SDCCAG8: variants seen among roughly 807,000 people sequenced by gnomAD.
SDCCAG8 encodes the protein serologically defined colon cancer antigen 8.
Under a neutral mutation model 101.8 loss-of-function variants are expected in SDCCAG8, and 74 were observed. The observed-to-expected ratio is 0.73, with a 90% CI of 0.60 to 0.88. SDCCAG8 has a LOEUF of 0.88. Among genes scored for constraint, SDCCAG8 ranks in the 40% least tolerant of loss-of-function variants. The probability of loss-of-function intolerance (pLI) is 0.00; values close to 1 mark genes in which losing one functional copy is unlikely to be tolerated. For missense variants in SDCCAG8, 787 were observed against 822.6 expected, an observed-to-expected ratio of 0.96 and a Z score of 0.53; for synonymous variants, 281 against 292.9, an observed-to-expected ratio of 0.96 and a Z score of 0.41.
At position 243,257,485 on chromosome 1, in the gene SDCCAG8, T is replaced by A. The variant is rs77208624; in HGVS notation, c.67+1245T>A. 2.6e-4 allele frequency among the ~76,000 whole-genome samples: 40 copies of A among 151,300 alleles called. No homozygotes were observed. The East Asian group carries it at 3.5e-3, about 13-fold the overall frequency. On this transcript the variant is annotated intron_variant, in intron 1 of 17. Transcript: ENST00000366541. ...TGGGGAGAAAGACAAAAAAAAAAAA[T>A]AATTATAGATTACTATGATAGAAAG...
chr1:243,356,370 C>G (rs567588222), intron 12 of SDCCAG8, among the ~76,000 whole-genome samples: 9 of 120,962 alleles, frequency 7.4e-5, no homozygotes, highest in Non-Finnish European at 1.4e-4. Flanking sequence ...AAGAAAGATG[C>G]TAGAATTATC....
intron 16 of SDCCAG8, among the ~76,000 whole-genome samples, chr1:243,481,962 G>C (rs1158957522): frequency 2.0e-5 from 3 of 152,218 alleles, no homozygotes; most frequent in African/African-American, 7.2e-5. Flanking sequence ...GAAATCCATT[G>C]GTAGTGGCCC....
chr1:243,269,496 C>A (rs1447293992), intron 1 of SDCCAG8, among the ~76,000 whole-genome samples: 3 of 151,882 alleles, frequency 2.0e-5, no homozygotes, highest in Non-Finnish European at 4.4e-5. Context: ...AACCAAGAAT[C>A]TATGAGGTGT....
chr1:243,295,497 A>G (rs1240275545), intron 6 of SDCCAG8, among the ~76,000 whole-genome samples: 3 of 151,970 alleles, frequency 2.0e-5, no homozygotes, highest in Admixed American at 2.0e-4. Context: ...CGGCCTCCCA[A>G]AGTGCTGGGA....
intron 16 of SDCCAG8, among the ~76,000 whole-genome samples, chr1:243,436,311 C>A (rs994517521): frequency 6.6e-6 from 1 of 151,864 alleles, no homozygotes; most frequent in Non-Finnish European, 1.5e-5. Flanking sequence ...TATTGTCCTA[C>A]CTGTGGTCAC....
At chr1:243,487,239 C>T (rs935621436) in intron 16 of SDCCAG8, among the ~76,000 whole-genome samples, 2 of 152,192 alleles carry the variant, frequency 1.3e-5, no homozygotes, top group Non-Finnish European at 2.9e-5. Context: ...TCCTCTCTCC[C>T]GGCCGCTCAC....
At chr1:243,312,901 C>T (rs916384205) in intron 8 of SDCCAG8, among the ~76,000 whole-genome samples, 3 of 152,078 alleles carry the variant, frequency 2.0e-5, no homozygotes, top group African/African-American at 7.2e-5. Flanking sequence ...TTGTTTCCGA[C>T]CTTTCGCCTT....
chr1:243,413,992 C>G (rs1252857970), intron 13 of SDCCAG8, among the ~76,000 whole-genome samples: 1 of 152,168 alleles, frequency 6.6e-6, no homozygotes, highest in African/African-American at 2.4e-5. Flanking sequence ...TAACAACATC[C>G]AATCATGAAA....
At chr1:243,446,166 C>A (rs1338522359) in intron 16 of SDCCAG8, among the ~76,000 whole-genome samples, 1 of 152,210 alleles carries the variant, frequency 6.6e-6, no homozygotes, top group Non-Finnish European at 1.5e-5. Context: ...AGAGCTTCTA[C>A]TGTACTTTGG....
intron 5 of SDCCAG8, among the ~76,000 whole-genome samples, chr1:243,292,593 A>G (rs1194863978): frequency 6.6e-6 from 1 of 152,106 alleles, no homozygotes; most frequent in Non-Finnish European, 1.5e-5. Flanking sequence ...ACTCTATGTG[A>G]CTCAGTTTCC....
chr1:243,270,437 T>C (rs1349937681), intron 2 of SDCCAG8, among the ~76,000 whole-genome samples, 180 bp downstream of exon 2: 2 of 152,246 alleles, frequency 1.3e-5, no homozygotes, highest in Admixed American at 6.5e-5. Flanking sequence ...GCTTATAGGC[T>C]AAAGTCCAAA....
chr1:243,403,033 T>C (rs2079512588), intron 13 of SDCCAG8, among the ~76,000 whole-genome samples: 1 of 152,216 alleles, frequency 6.6e-6, no homozygotes, highest in East Asian at 1.9e-4. Flanking sequence ...TGAAAATAAA[T>C]TTGACAGTTA....
rs556754196 is a variant in SDCCAG8, at chr1:243,446,562, A to T, written c.1985+20004A>T. On this transcript the variant is annotated intron_variant, in intron 16 of 17. Transcript: ENST00000366541. ...AGGCATGAGCCACTGCACCTGACCA[A>T]TTTTTTTCTTTGTGTCAGAGAAAGG... Among the ~76,000 whole-genome samples the T allele has an allele frequency of 7.6e-4, 115 of 152,172 alleles. 1 individual carries two copies. Among genetic ancestry groups the T allele is most frequent in the African/African-American group, 2.7e-3 (114 of 41,508 alleles).
intron 7 of SDCCAG8, chr1:243,307,323 C>T (rs2072251722): frequency 2.3e-6 from 2 of 878,918 alleles, no homozygotes; most frequent in South Asian, 5.3e-5. Context: ...TGTATGTTTC[C>T]AGCTAATAGC....
chr1:243,362,285 G>C (rs1043761157), intron 12 of SDCCAG8, among the ~76,000 whole-genome samples: 1 of 148,008 alleles, frequency 6.8e-6, no homozygotes. Flanking sequence ...ATAGGTGGGT[G>C]AAGAGACGGC....
At chr1:243,274,348 G>T (rs913311090) in intron 3 of SDCCAG8, among the ~76,000 whole-genome samples, 195 bp from the exon 4 acceptor site, 1 of 152,168 alleles carries the variant, frequency 6.6e-6, no homozygotes, top group African/African-American at 2.4e-5. Context: ...TCAACTTGAG[G>T]TTTGTGGGGG....
chr1:243,456,806 TC>T (rs2083792780), intron 16 of SDCCAG8, among the ~76,000 whole-genome samples: 1 of 152,222 alleles, frequency 6.6e-6, no homozygotes, highest in Admixed American at 6.5e-5. Flanking sequence ...TATTTAACTT[TC>T]TATTGTAGAA....
chr1:243,269,287 G>C (rs1341229205), intron 1 of SDCCAG8: 1 of 151,366 alleles, frequency 6.6e-6, no homozygotes, highest in African/African-American at 2.4e-5. Flanking sequence ...AATGAGGCTG[G>C]GTTCCTTGGA....
rs547228970 is a variant in SDCCAG8, at chr1:243,297,269, AGTTT to A, written c.675+4054_675+4057del. On this transcript the variant is annotated intron_variant, in intron 6 of 17. Coordinates refer to ENST00000366541, the MANE Select transcript of SDCCAG8 (RefSeq NM_006642.5). ...TCATCCATGTTGTTACATTGGCCGA[AGTTT>A]GTTCATTTTCTTTGGTGGGTCTGCT... Among the ~76,000 whole-genome samples, 353 of 152,312 alleles carry A rather than the reference AGTTT, an allele frequency of 2.3e-3. 1 individual carries two copies. Among genetic ancestry groups the A allele is most frequent in the African/African-American group, 8.3e-3 (346 of 41,568 alleles).
Sources: gnomAD v4.1 joint callset for allele counts (sites outside exome capture counted in the v4.1 genomes callset) on GRCh38, gnomAD v4.1.1 for gene constraint, MANE v1.5 for transcripts, NCBI Gene and HGNC (gene_info 2026-07-23, HGNC 2026-07-21) for gene names.